The following ST3GAL4 variants were observed in gnomAD, a reference collection of about 807,000 sequenced individuals.
The protein encoded by ST3GAL4 is ST3 beta-galactoside alpha-2,3-sialyltransferase 4.
A neutral mutation model predicts 42.6 loss-of-function variants in ST3GAL4; 24 were observed. That is an observed-to-expected ratio of 0.56 (90% CI 0.41 to 0.79). ST3GAL4 has a LOEUF of 0.79. ST3GAL4 is among the 30% of genes least tolerant of loss of function. The pLI, the probability that ST3GAL4 is intolerant of heterozygous loss-of-function variation, is 0.00. For missense variants in ST3GAL4, 311 were observed against 430.8 expected, an observed-to-expected ratio of 0.72 and a Z score of 2.46; for synonymous variants, 135 against 163.2, an observed-to-expected ratio of 0.83 and a Z score of 1.32.
chr11:126,410,571 G>A lies in ST3GAL4; in HGVS notation c.771+1160G>A, dbSNP rs1954481746. Among the ~76,000 whole-genome samples, 1 of 152,232 alleles carries A rather than the reference G, an allele frequency of 6.6e-6. No homozygotes were observed. On this transcript the variant is annotated intron_variant, in intron 9 of 10. Coordinates refer to ENST00000444328, the MANE Select transcript of ST3GAL4 (RefSeq NM_001254757.2). The surrounding 1 kb of genome is among the most constrained non-coding windows in gnomAD (Gnocchi z 5.3). Reference sequence around the variant, plus strand: ...AATGATGTAAAATACCTATTCTGGAGACCGGTACACAGGGCCTGCCCTTTA... The same window carrying A: ...AATGATGTAAAATACCTATTCTGGAAACCGGTACACAGGGCCTGCCCTTTA...
rs1392928021 is a variant in ST3GAL4 at position 126,376,341 on chromosome 11, CAG to C, written c.-61+20501_-61+20502del. 1.3e-5 allele frequency among the ~76,000 whole-genome samples: 2 copies of C among 152,118 alleles called. No individual in the cohort carries two copies. Among genetic ancestry groups the C allele is most frequent in the Admixed American group, 6.5e-5 (1 of 15,268 alleles). ...TTTGTGTAAGAAGTGAATTGGGAAA[CAG>C]AAAACCGAAAGAGGTTTAGTGGCCC... On this transcript the variant is annotated intron_variant, in intron 1 of 10. Coordinates refer to ENST00000444328, the MANE Select transcript of ST3GAL4 (RefSeq NM_001254757.2). This position sits in a 1 kb window ranked among gnomAD's most constrained non-coding sequence, Gnocchi z 5.1.
In ST3GAL4 at chr11:126,398,462, C is replaced by A. The variant is rs1252621975; in HGVS notation, c.-60-7634C>A. Among the ~76,000 whole-genome samples, 1 of 152,248 alleles carries A rather than the reference C, an allele frequency of 6.6e-6. No individual in the cohort carries two copies. Among genetic ancestry groups the A allele is most frequent in the African/African-American group, 2.4e-5 (1 of 41,470 alleles). On this transcript the variant is annotated intron_variant, in intron 1 of 10. Transcript: ENST00000444328. The surrounding 1 kb of genome is among the most constrained non-coding windows in gnomAD (Gnocchi z 4.7). ...CTGGCCTTGCTGGGCTCATTCCATGCAGCAGCTCTCACCGGTTGGAGTCTC... is the reference window on the plus strand; with the variant it reads ...CTGGCCTTGCTGGGCTCATTCCATGAAGCAGCTCTCACCGGTTGGAGTCTC...
chr11:126,414,207 C>T lies in ST3GAL4; in HGVS notation c.*160C>T, dbSNP rs1591503190. 1.5e-6 allele frequency: 1 copy of T among 687,728 alleles called. No homozygotes were observed. The highest frequency in any genetic ancestry group is 2.5e-6 in the Non-Finnish European group (1 of 394,546). The allele number at this position is 687,728 out of a possible 1,614,324, so 42.6% of individuals were successfully genotyped here. On this transcript the variant is annotated 3_prime_UTR_variant, in exon 11 of 11. Transcript: ENST00000444328. Reference sequence around the variant, plus strand: ...GCCAGGTCTGAGATGAGGCCATGCCCCTGGCTGCTCTTATGGAGCCGAGAT... The same window carrying T: ...GCCAGGTCTGAGATGAGGCCATGCCTCTGGCTGCTCTTATGGAGCCGAGAT...
rs540865198 is a variant in ST3GAL4 at position 126,360,713 on chromosome 11, T to C, written c.-61+4871T>C. Reference sequence around the variant, plus strand: ...CTGGGATTACAGGCGTGAGCCACCGTGCCCAGCCGAGCGTGTCTGTCTTGT... The same window carrying C: ...CTGGGATTACAGGCGTGAGCCACCGCGCCCAGCCGAGCGTGTCTGTCTTGT... On this transcript the variant is annotated intron_variant, in intron 1 of 10. Coordinates refer to ENST00000444328, the MANE Select transcript of ST3GAL4 (RefSeq NM_001254757.2). 2.6e-5 allele frequency among the ~76,000 whole-genome samples: 4 copies of C among 152,340 alleles called. No homozygotes were observed. The South Asian group carries it at 8.3e-4, about 32-fold the overall frequency.
At chr11:126,375,082 A>G (rs1952784338) in intron 1 of ST3GAL4, 1 of 152,338 alleles carries the variant, frequency 6.6e-6, no homozygotes, top group Admixed American at 6.5e-5. Context: ...CAGGGAAGCC[A>G]GAGGAGTCCG....
chr11:126,358,525 G>C (rs1255076964), intron 1 of ST3GAL4: 1 of 453,490 alleles, frequency 2.2e-6, no homozygotes, highest in East Asian at 7.0e-5. Context: ...TGTGAATGAT[G>C]TCCTTTATTC....
chr11:126,385,399 A>G (rs955508720), intron 1 of ST3GAL4, among the ~76,000 whole-genome samples: 6 of 151,390 alleles, frequency 4.0e-5, no homozygotes, highest in Non-Finnish European at 5.9e-5. Flanking sequence ...TGATCCTCCC[A>G]CCTCGGCCTC....
intron 1 of ST3GAL4, among the ~76,000 whole-genome samples, chr11:126,357,289 A>G (rs1178554389): frequency 6.6e-6 from 1 of 152,212 alleles, no homozygotes; most frequent in African/African-American, 2.4e-5. Flanking sequence ...CTGTCAAGAC[A>G]TGGGGAGCTT....
intron 1 of ST3GAL4, chr11:126,358,396 T>G (rs1281074596): frequency 4.8e-6 from 2 of 414,692 alleles, no homozygotes; most frequent in Non-Finnish European, 9.7e-6. Flanking sequence ...CCCCCTCTTC[T>G]TTGTTGCCCC....
rs183860911 is a variant in ST3GAL4 at position 126,363,902 on chromosome 11, C to A, written c.-61+8060C>A. On this transcript the variant is annotated intron_variant, in intron 1 of 10. Coordinates refer to ENST00000444328, the MANE Select transcript of ST3GAL4 (RefSeq NM_001254757.2). The surrounding 1 kb of genome is among the most constrained non-coding windows in gnomAD (Gnocchi z 4.6). The stretch of plus-strand genomic sequence containing the variant: ...CAGGCCCGGCACCGTGTCGCCCTGC[C>A]CCAGCCCAGAGCTTGCCTCTGTTGG... Among the ~76,000 whole-genome samples, 216 of 152,382 alleles carry A rather than the reference C, an allele frequency of 1.4e-3. No individual in the cohort carries two copies. The highest frequency in any genetic ancestry group is 4.8e-3 in the African/African-American group (200 of 41,600).
chr11:126,397,854 T>C lies in ST3GAL4; in HGVS notation c.-60-8242T>C, dbSNP rs937399532. Among the ~76,000 whole-genome samples the C allele has an allele frequency of 6.6e-6, 1 of 152,258 alleles. No homozygotes were observed. Among genetic ancestry groups the C allele is most frequent in the Admixed American group, 6.5e-5 (1 of 15,292 alleles). ...TCCTGTAATAATGGCATTAAACCCATTCATGAGAACAGAGCCCTTGACCCA... is the reference window on the plus strand; with the variant it reads ...TCCTGTAATAATGGCATTAAACCCACTCATGAGAACAGAGCCCTTGACCCA... On this transcript the variant is annotated intron_variant, in intron 1 of 10. Transcript: ENST00000444328. This position sits in a 1 kb window ranked among gnomAD's most constrained non-coding sequence, Gnocchi z 5.0.
At chr11:126,407,920 A>G (rs1038206722) in intron 6 of ST3GAL4, among the ~76,000 whole-genome samples, 179 bp from the exon 7 acceptor site, 9 of 151,962 alleles carry the variant, frequency 5.9e-5, no homozygotes, top group African/African-American at 1.7e-4. Context: ...CCTCTTACAA[A>G]GCCCAGGGCT....
At chr11:126,401,110 A>C (rs1953971907) in intron 1 of ST3GAL4, among the ~76,000 whole-genome samples, 1 of 152,110 alleles carries the variant, frequency 6.6e-6, no homozygotes, top group Admixed American at 6.5e-5. Flanking sequence ...AGAAAATTAG[A>C]AATACTAGGA....
At chr11:126,405,818 C>T (rs915764448) in intron 1 of ST3GAL4, 3 of 475,778 alleles carry the variant, frequency 6.3e-6, no homozygotes, top group Admixed American at 7.0e-5. Context: ...ACCAGAGAGG[C>T]TGGAGTAGGC....
chr11:126,360,974 G>A (rs892577639), intron 1 of ST3GAL4, among the ~76,000 whole-genome samples: 1 of 152,234 alleles, frequency 6.6e-6, no homozygotes, highest in East Asian at 1.9e-4. Context: ...GGGGGTCTCT[G>A]TTCAGACCTC....
chr11:126,414,418 T>G lies in ST3GAL4; in HGVS notation c.*371T>G, dbSNP rs1954653171. The G allele has an allele frequency of 8.3e-6, 2 of 239,934 alleles. No individual in the cohort carries two copies. Among genetic ancestry groups the G allele is most frequent in the Middle Eastern group, 1.5e-3 (1 of 646 alleles). 14.9% of individuals were successfully genotyped at this position (239,934 alleles called of 1,614,324 possible). ...GGCCAGTAGAGAATTCTGCCCACTTTTTATAAAAACTTACAGCGATGGCCC... is the reference window on the plus strand; with the variant it reads ...GGCCAGTAGAGAATTCTGCCCACTTGTTATAAAAACTTACAGCGATGGCCC... On this transcript the variant is annotated 3_prime_UTR_variant, in exon 11 of 11. Transcript: ENST00000444328.
chr11:126,406,377 G>C lies in ST3GAL4; in HGVS notation c.17-96G>C. On this transcript the variant is annotated intron_variant, in intron 2 of 10. Coordinates refer to ENST00000444328, the MANE Select transcript of ST3GAL4 (RefSeq NM_001254757.2). This position sits in a 1 kb window ranked among gnomAD's most constrained non-coding sequence, Gnocchi z 5.4. Reference sequence around the variant, plus strand: ...CCAGAGACTGCTTCTGTTGAGTTAGGGGTCGGAGGGACTCAGAAGGGGGCA... The same window carrying C: ...CCAGAGACTGCTTCTGTTGAGTTAGCGGTCGGAGGGACTCAGAAGGGGGCA... The C allele has an allele frequency of 1.3e-6, 2 of 1,593,766 alleles. No individual in the cohort carries two copies. The highest frequency in any genetic ancestry group is 1.3e-5 in the African/African-American group (1 of 74,746).
At chr11:126,358,862 C>A (rs2135364323) in intron 1 of ST3GAL4, among the ~76,000 whole-genome samples, 1 of 152,338 alleles carries the variant, frequency 6.6e-6, no homozygotes, top group Non-Finnish European at 1.5e-5. Flanking sequence ...CTGGGTGCCA[C>A]TGCTGGCCCA....
Position 126,359,577 on chromosome 11 carries a change from C to G in ST3GAL4, c.-61+3735C>G, listed in dbSNP as rs1031429367. Among the ~76,000 whole-genome samples the G allele has an allele frequency of 6.6e-6, 1 of 152,218 alleles. No homozygotes were observed. Among genetic ancestry groups the G allele is most frequent in the Non-Finnish European group, 1.5e-5 (1 of 68,042 alleles). On this transcript the variant is annotated intron_variant, in intron 1 of 10. Transcript: ENST00000444328. The surrounding 1 kb of genome is among the most constrained non-coding windows in gnomAD (Gnocchi z 4.8). ...GCTCAAAGGCGTGAAGGGGTTTGCT[C>G]AAGGCCACAGTGTATTAGTGTCAAA...
Sources: allele counts gnomAD v4.1 joint callset (sites outside exome capture counted in the v4.1 genomes callset), GRCh38; gene constraint gnomAD v4.1.1; non-coding constraint Gnocchi (gnomAD v3.1); transcripts MANE v1.5; gene names NCBI Gene and HGNC (gene_info 2026-07-23, HGNC 2026-07-21).